The following CACNA1A variants were observed in gnomAD, a reference collection of about 807,000 sequenced individuals.
CACNA1A encodes the protein calcium voltage-gated channel subunit alpha1 A, also known as voltage-dependent P/Q-type calcium channel subunit alpha-1A.
A neutral mutation model predicts 262.4 loss-of-function variants in CACNA1A; 57 were observed. That is an observed-to-expected ratio of 0.22 (90% CI 0.18 to 0.27). The LOEUF (loss-of-function observed/expected upper bound fraction) is 0.27. Among genes scored for constraint, CACNA1A ranks in the 10% least tolerant of loss-of-function variants. CACNA1A has a pLI of 1.00. For missense variants in CACNA1A, 2,526 were observed against 3,562.8 expected, an observed-to-expected ratio of 0.71 and a Z score of 7.41; for synonymous variants, 1,431 against 1,419.3, an observed-to-expected ratio of 1.01 and a Z score of -0.18.
chr19:13,216,436 C>T (rs996119592), intron 38 of CACNA1A, among the ~76,000 whole-genome samples: 3 of 43,946 alleles, frequency 6.8e-5, no homozygotes, highest in African/African-American at 5.0e-4. Flanking sequence ...CTTCAGAGTT[C>T]AAGCGATTCT....
Position 13,207,552 on chromosome 19 carries a change from C to T in CACNA1A, c.7282G>A (p.Glu2428Lys). The change falls in exon 47 of 47, where the codon GAG becomes AAG. Residue 2428 changes from glutamate (E) to lysine (K), a missense_variant. By Grantham distance (56) the Glu-to-Lys change is moderately conservative (BLOSUM62 1). This residue lies in a region of CACNA1A where 929 missense variants were observed against 868.1 expected (regional missense o/e 1.07). Transcript: ENST00000360228. This position sits in a 1 kb window ranked among gnomAD's most constrained non-coding sequence, Gnocchi z 5.7. ...GCGTCGTAGGCCCCGGCCATGGCCT[C>T]CTCGCCGCCCCCGCTGCCCGGGCCA... ...ADGPGSGGGEEAMAGAYDAPP... is the reference protein window; with the variant it reads ...ADGPGSGGGEKAMAGAYDAPP... 1.4e-6 allele frequency: 2 copies of T among 1,460,888 alleles called. No individual in the cohort carries two copies. The highest frequency in any genetic ancestry group is 1.8e-6 in the Non-Finnish European group (2 of 1,106,144). The allele number at this position is 1,460,888 out of a possible 1,614,324, so 90.5% of individuals were successfully genotyped here.
chr19:13,284,832 T>C (rs573884885), intron 21 of CACNA1A, among the ~76,000 whole-genome samples: 106 of 152,368 alleles, frequency 7.0e-4, no homozygotes, highest in African/African-American at 2.4e-3. Context: ...TTATTTATTG[T>C]CATAAATAAC....
At chr19:13,406,509 A>ATATATATATATATATATATATG (rs1487889235) in intron 3 of CACNA1A, among the ~76,000 whole-genome samples, 3 of 109,658 alleles carry the variant, frequency 2.7e-5, no homozygotes, top group East Asian at 4.3e-4. Context: ...ATATATATAT[A>ATATATATATATATATATATATG]TATGAAGGGA....
At chr19:13,485,410 G>A (rs1369208550) in intron 1 of CACNA1A, among the ~76,000 whole-genome samples, 2 of 152,098 alleles carry the variant, frequency 1.3e-5, no homozygotes, top group African/African-American at 4.8e-5. Context: ...AGAACTGTTG[G>A]TGATCAAAAG....
At chr19:13,413,490 T>C (rs549872125) in intron 3 of CACNA1A, among the ~76,000 whole-genome samples, 1 of 148,462 alleles carries the variant, frequency 6.7e-6, no homozygotes, top group East Asian at 2.0e-4. Context: ...GAGGATCCCT[T>C]GAGCCCAGGA....
intron 4 of CACNA1A, among the ~76,000 whole-genome samples, chr19:13,369,037 CAAAAAAAA>C (rs71170503): frequency 2.0e-5 from 1 of 48,792 alleles, no homozygotes; most frequent in African/African-American, 7.3e-5. Context: ...GACTCCGTCT[CAAAAAAAA>C]AAAAAAAAAA....
rs1281394713 is a variant in CACNA1A at position 13,208,888 on chromosome 19, G to A, written c.6648C>T (p.His2216=). 34 of 1,530,848 alleles carry A rather than the reference G, an allele frequency of 2.2e-5. No individual in the cohort carries two copies. The highest frequency in any genetic ancestry group is 2.9e-5 in the Non-Finnish European group (33 of 1,142,516). 94.8% of individuals were successfully genotyped at this position (1,530,848 alleles called of 1,614,324 possible). A position where few individuals can be genotyped will look rare whatever the true frequency, so the allele number is the denominator to read the frequency against. The change falls in exon 46 of 47, where the codon CAC becomes CAT. Residue 2216 remains histidine, a synonymous_variant. Coordinates refer to ENST00000360228, the MANE Select transcript of CACNA1A (RefSeq NM_001127222.2). ...KHRQHHHHHH[H]HHHPPPPDKD... is the part of the protein sequence containing the mutation. Reference sequence around the variant, plus strand: ...TGTCGGGGGGCGGGGGATGGTGGTGGTGGTGGTGGTGGTGGTGGTGCTGTC... The same window carrying A: ...TGTCGGGGGGCGGGGGATGGTGGTGATGGTGGTGGTGGTGGTGGTGCTGTC...
chr19:13,245,387 G>T (rs189510934), intron 30 of CACNA1A, 122 bp from the exon 31 acceptor site: 2 of 749,510 alleles, frequency 2.7e-6, no homozygotes, highest in Admixed American at 3.9e-5. Context: ...GACAGTTATG[G>T]TTGTTCGAAG....
chr19:13,336,594 G>GGAGAGAGAGGGAGAGGGAGAGAGAGA (rs1555768093), intron 6 of CACNA1A, among the ~76,000 whole-genome samples: 10 of 65,494 alleles, frequency 1.5e-4, no homozygotes, highest in African/African-American at 3.1e-4. Flanking sequence ...AGAGAGAGAG[G>GGAGAGAGAGGGAGAGGGAGAGAGAGA]GAGAGAGAGA....
At chr19:13,399,664 C>T (rs180750706) in intron 3 of CACNA1A, among the ~76,000 whole-genome samples, 28 of 152,302 alleles carry the variant, frequency 1.8e-4, no homozygotes, top group Non-Finnish European at 2.5e-4. Flanking sequence ...TTTCCTCAAG[C>T]AACGACAGGC....
At chr19:13,340,458 A>C (rs1600375178) in intron 6 of CACNA1A, among the ~76,000 whole-genome samples, 3 of 128,968 alleles carry the variant, frequency 2.3e-5, no homozygotes, top group African/African-American at 6.0e-5. Flanking sequence ...ATGGAGTCTC[A>C]CTCTGTCACC....
At chr19:13,399,904 T>A (rs2059870911) in intron 3 of CACNA1A, among the ~76,000 whole-genome samples, 1 of 152,056 alleles carries the variant, frequency 6.6e-6, no homozygotes, top group South Asian at 2.1e-4. Context: ...GCTACGTAAC[T>A]CAAAACATGA....
rs539865740 is a variant in CACNA1A, at chr19:13,464,755, A to G, written c.294-9543T>C. On this transcript the variant is annotated intron_variant, in intron 1 of 46. Coordinates refer to ENST00000360228, the MANE Select transcript of CACNA1A (RefSeq NM_001127222.2). ...AGTAGAGACGGGGTTTCACCGTGTT[A>G]GCCAGGGTGGTCTCGATCTCCTGAC... Among the ~76,000 whole-genome samples the G allele has an allele frequency of 1.9e-3, 283 of 151,258 alleles. 6 individuals carry two copies. In the East Asian group the frequency reaches 0.038, roughly 20 times the overall value.
intron 46 of CACNA1A, among the ~76,000 whole-genome samples, chr19:13,208,254 G>A (rs1332795665): frequency 2.7e-5 from 4 of 146,158 alleles, no homozygotes; most frequent in Admixed American, 6.8e-5. Flanking sequence ...CAGGGAGGAG[G>A]GAGGGGAGGA....
intron 1 of CACNA1A, among the ~76,000 whole-genome samples, chr19:13,500,573 C>T (rs1982261653): frequency 6.6e-6 from 1 of 152,168 alleles, no homozygotes; most frequent in Non-Finnish European, 1.5e-5. Flanking sequence ...CTTTTAGACG[C>T]ATTGCAAAGA....
rs1404161703 is a variant in CACNA1A at position 13,208,992 on chromosome 19, T to C, written c.6544A>G (p.Ser2182Gly). The change falls in exon 46 of 47, where the codon AGC becomes GGC. Residue 2182 changes from serine (S) to glycine (G), a missense_variant. Ser to Gly is a moderately conservative substitution (Grantham distance 56). This residue lies in a region of CACNA1A where 929 missense variants were observed against 868.1 expected (regional missense o/e 1.07). Transcript: ENST00000360228. ...DVDTGLGTDL[S>G]MTTQSGDLPS... ...AGGTCCCCGGATTGGGTGGTCATGC[T>C]CAGGTCTGTCCCCAAGCCTGGGCCG... is the stretch of plus-strand genomic sequence containing the variant. 1 of 1,537,062 alleles carries C rather than the reference T, an allele frequency of 6.5e-7. No homozygotes were observed. The highest frequency in any genetic ancestry group is 8.7e-7 in the Non-Finnish European group (1 of 1,146,880).
At chr19:13,469,691 C>T (rs1459766147) in intron 1 of CACNA1A, among the ~76,000 whole-genome samples, 1 of 150,324 alleles carries the variant, frequency 6.7e-6, no homozygotes, top group Non-Finnish European at 1.5e-5. Flanking sequence ...GATCGCCTGA[C>T]CTTGTGATCC....
In CACNA1A at chr19:13,360,265, G is replaced by GTATATATATATATATATATATATA. The variant is rs34849471; in HGVS notation, c.785-467_785-466insTATATATATATATATATATATATA. Among the ~76,000 whole-genome samples the GTATATATATATATATATATATATA allele has an allele frequency of 4.0e-3, 495 of 124,060 alleles. 6 individuals carry two copies. The highest frequency in any genetic ancestry group is 0.012 in the East Asian group (41 of 3,486). 81.4% of individuals were successfully genotyped at this position (124,060 alleles called of 152,430 possible). On this transcript the variant is annotated intron_variant, in intron 5 of 46. Coordinates refer to ENST00000360228, the MANE Select transcript of CACNA1A (RefSeq NM_001127222.2). Reference sequence around the variant, plus strand: ...ATTAGGTGTCTGTGTGTGTGTGTGTGTATATATATATATATATATATGAAG... The same window carrying GTATATATATATATATATATATATA: ...ATTAGGTGTCTGTGTGTGTGTGTGTGTATATATATATATATATATATATATATATATATATATATATATATGAAG...
At chr19:13,374,669 C>A (rs889463146) in intron 3 of CACNA1A, among the ~76,000 whole-genome samples, 2 of 152,222 alleles carry the variant, frequency 1.3e-5, no homozygotes, top group African/African-American at 4.8e-5. Context: ...ACCTTGTTTT[C>A]TTCTGTGCTG....
Sources: allele counts gnomAD v4.1 joint callset (sites outside exome capture counted in the v4.1 genomes callset), GRCh38; gene constraint gnomAD v4.1.1; regional missense constraint gnomAD v4.1.1; non-coding constraint Gnocchi (gnomAD v3.1); transcripts MANE v1.5; gene names NCBI Gene and HGNC (gene_info 2026-07-23, HGNC 2026-07-21).